The following POTEG variants were observed in gnomAD, a reference collection of about 807,000 sequenced individuals.
The protein encoded by POTEG is ANKRD26-like family C member 2.
Under a neutral mutation model 49.6 loss-of-function variants are expected in POTEG, and 2 were observed. The ratio of observed to expected loss-of-function variants is 0.04; its 90% CI spans 0.02 to 0.13. POTEG has a LOEUF of 0.13. Ranked by LOEUF, POTEG falls within the 10% of genes least tolerant of loss-of-function variation. The probability of loss-of-function intolerance (pLI) is 1.00; values close to 1 mark genes in which losing one functional copy is unlikely to be tolerated. For synonymous variants in POTEG, 7 were observed against 186.6 expected (o/e 0.04, Z 7.84); for missense variants, 26 against 545.2 (o/e 0.05, Z 9.48).
chr14:19,415,837 T>C (rs1883538871), intron 7 of POTEG, among the ~76,000 whole-genome samples: 529 of 22,198 alleles, frequency 0.024, 4 homozygotes, highest in African/African-American at 0.037. Context: ...AAATTTTTTT[T>C]TTTTTTTTTT....
chr14:19,415,279 A>C (rs1326696236), intron 7 of POTEG, among the ~76,000 whole-genome samples: 2 of 141,730 alleles, frequency 1.4e-5, no homozygotes, highest in African/African-American at 5.0e-5. Context: ...TCTGCAACTG[A>C]AATAAATTAG....
intron 6 of POTEG, among the ~76,000 whole-genome samples, chr14:19,419,880 A>G (rs925391310): frequency 7.2e-6 from 1 of 138,418 alleles, no homozygotes; most frequent in Non-Finnish European, 1.5e-5. Context: ...TGCAGTCCAA[A>G]GCATTCTACC....
At chr14:19,432,366 G>GTATA (rs58599371) in intron 1 of POTEG, among the ~76,000 whole-genome samples, 679 of 37,544 alleles carry the variant, frequency 0.018, 2 homozygotes, top group East Asian at 0.041. Context: ...AAGAAATTTT[G>GTATA]TATATATATA....
intron 8 of POTEG, among the ~76,000 whole-genome samples, chr14:19,414,256 A>G: frequency 7.0e-6 from 1 of 141,946 alleles, no homozygotes; most frequent in African/African-American, 2.5e-5. Flanking sequence ...CTTTAGCCAC[A>G]TTTTCTATTG....
At chr14:19,408,494 AC>A (rs1359709719) in intron 9 of POTEG, among the ~76,000 whole-genome samples, 3 of 149,738 alleles carry the variant, frequency 2.0e-5, no homozygotes, top group African/African-American at 7.4e-5. Context: ...TATTTCAAAT[AC>A]CAAAGGTCTA....
intron 3 of POTEG, among the ~76,000 whole-genome samples, chr14:19,426,423 C>G (rs562672769): frequency 6.6e-6 from 1 of 151,496 alleles, no homozygotes; most frequent in Non-Finnish European, 1.5e-5. Flanking sequence ...CACAATACAG[C>G]TTCAATTGAT....
At chr14:19,433,547 T>C (rs1168998649) in intron 1 of POTEG, among the ~76,000 whole-genome samples, 17 of 123,400 alleles carry the variant, frequency 1.4e-4, no homozygotes, top group Non-Finnish European at 2.5e-4. Context: ...CTATTAGTGT[T>C]CTAGGAGGGA....
At position 19,414,304 on chromosome 14, in the gene POTEG, T is replaced by A. The variant is rs563516254; in HGVS notation, c.1242+258A>T. Among the ~76,000 whole-genome samples, 9 of 145,080 alleles carry A rather than the reference T, an allele frequency of 6.2e-5. No homozygotes were observed. In the East Asian group the frequency reaches 1.4e-3, roughly 22 times the overall value. On this transcript the variant is annotated intron_variant, in intron 8 of 10. Coordinates refer to ENST00000547848, the MANE Select transcript of POTEG (RefSeq NM_001005356.3). ...AAACCAAGAAAGATAAAATTATTGA[T>A]CCAAAGCTCCTAAAGTGGCATTACT...
intron 7 of POTEG, among the ~76,000 whole-genome samples, chr14:19,415,366 G>A (rs1883512733): frequency 6.9e-6 from 1 of 144,494 alleles, no homozygotes; most frequent in Non-Finnish European, 1.6e-5. Flanking sequence ...CAGTTGGGTT[G>A]CTTTTTTGAC....
intron 7 of POTEG, among the ~76,000 whole-genome samples, chr14:19,415,828 AATTTTTTTTTT>A (rs1883536927): frequency 2.3e-5 from 3 of 132,910 alleles, no homozygotes; most frequent in African/African-American, 8.2e-5. Context: ...AATCTATTAA[AATTTTTTTTTT>A]TTTTTTTTTT....
intron 1 of POTEG, among the ~76,000 whole-genome samples, chr14:19,432,399 TATATAC>T (rs1271581184): frequency 1.1e-5 from 1 of 88,338 alleles, no homozygotes; most frequent in African/African-American, 4.2e-5. Context: ...TATATATATA[TATATAC>T]ACACACATGT....
intron 3 of POTEG, among the ~76,000 whole-genome samples, chr14:19,425,918 C>G (rs1039570677): frequency 3.5e-5 from 1 of 28,430 alleles, no homozygotes; most frequent in African/African-American, 1.2e-4. Context: ...CACAGTAACT[C>G]TACTCATCTC....
intron 1 of POTEG, among the ~76,000 whole-genome samples, chr14:19,432,401 TATACACACAC>T (rs1884181607): frequency 1.4e-5 from 1 of 69,372 alleles, no homozygotes; most frequent in African/African-American, 4.7e-5. Flanking sequence ...TATATATATA[TATACACACAC>T]ATGTATATAT....
At chr14:19,415,715 A>G (rs1230981110) in intron 7 of POTEG, among the ~76,000 whole-genome samples, 1 of 152,058 alleles carries the variant, frequency 6.6e-6, no homozygotes, top group Non-Finnish European at 1.5e-5. Flanking sequence ...AGTATTTTAA[A>G]TTTCATAGTG....
intron 1 of POTEG, among the ~76,000 whole-genome samples, chr14:19,432,447 C>T (rs1375786291): frequency 5.0e-4 from 34 of 68,194 alleles, no homozygotes; most frequent in African/African-American, 2.0e-3. Flanking sequence ...TATATATATA[C>T]ATATATATAT....
At chr14:19,416,147 G>A in intron 7 of POTEG, 141 bp downstream of exon 7, 1 of 588,698 alleles carries the variant, frequency 1.7e-6, no homozygotes. Context: ...CCAGCCAAAA[G>A]ATTCTTAAAA....
intron 1 of POTEG, among the ~76,000 whole-genome samples, chr14:19,433,559 A>T (rs1884247312): frequency 7.8e-6 from 1 of 128,486 alleles, no homozygotes; most frequent in African/African-American, 3.0e-5. Flanking sequence ...TAGGAGGGAA[A>T]TTATAATTTG....
At chr14:19,431,564 ACAAAC>A (rs1884142243) in intron 1 of POTEG, among the ~76,000 whole-genome samples, 7 of 130,574 alleles carry the variant, frequency 5.4e-5, no homozygotes, top group South Asian at 2.8e-4. Context: ...ATTCATCCTC[ACAAAC>A]TTTGTGGATA....
At chr14:19,432,436 A>G (rs1566383372) in intron 1 of POTEG, among the ~76,000 whole-genome samples, 3 of 100,442 alleles carry the variant, frequency 3.0e-5, no homozygotes, top group Admixed American at 1.0e-4. Context: ...ATATACGTAT[A>G]TATATATATA....
Sources: gnomAD v4.1 joint callset for allele counts (sites outside exome capture counted in the v4.1 genomes callset) on GRCh38, gnomAD v4.1.1 for gene constraint, MANE v1.5 for transcripts, NCBI Gene and HGNC (gene_info 2026-07-23, HGNC 2026-07-21) for gene names.